MAN1C1: variants seen among roughly 807,000 people sequenced by gnomAD.
The protein encoded by MAN1C1 is mannosyl-oligosaccharide 1,2-alpha-mannosidase IC.
A neutral mutation model predicts 71.5 loss-of-function variants in MAN1C1; 49 were observed. The observed-to-expected ratio is 0.69, with a 90% confidence interval of 0.54 to 0.87. MAN1C1 has a LOEUF of 0.87. Ranked by LOEUF, MAN1C1 falls within the 40% of genes least tolerant of loss-of-function variation. The pLI is 0.00. For missense variants in MAN1C1, 743 were observed against 835.0 expected (o/e 0.89, Z 1.36); for synonymous variants, 352 against 343.7 (o/e 1.02, Z -0.27).
intron 4 of MAN1C1, among the ~76,000 whole-genome samples, chr1:25,752,430 A>G (rs1572195425): frequency 6.6e-6 from 1 of 152,058 alleles, no homozygotes; most frequent in Non-Finnish European, 1.5e-5. Flanking sequence ...GCCTCCCAAA[A>G]TGCTGGGATT....
At chr1:25,731,243 A>G (rs1208440629) in intron 2 of MAN1C1, among the ~76,000 whole-genome samples, 1 of 152,192 alleles carries the variant, frequency 6.6e-6, no homozygotes, top group African/African-American at 2.4e-5. Flanking sequence ...CAGGGAAGTC[A>G]AGGCTGCAGT....
At chr1:25,655,579 G>A (rs1308622567) in intron 1 of MAN1C1, among the ~76,000 whole-genome samples, 1 of 152,154 alleles carries the variant, frequency 6.6e-6, no homozygotes, top group Non-Finnish European at 1.5e-5. Context: ...GGGGATAGTG[G>A]ATGACTGATG....
At chr1:25,655,322 T>C (rs1198178189) in intron 1 of MAN1C1, among the ~76,000 whole-genome samples, 1 of 152,190 alleles carries the variant, frequency 6.6e-6, no homozygotes, top group Non-Finnish European at 1.5e-5. Context: ...GGGAACCTGC[T>C]GTCCAACACT....
intron 1 of MAN1C1, among the ~76,000 whole-genome samples, chr1:25,659,951 T>C (rs1453226506): frequency 6.6e-6 from 1 of 152,204 alleles, no homozygotes. Context: ...CCATGTTCAG[T>C]GACATCATGT....
intron 9 of MAN1C1, 150 bp from the exon 10 acceptor site, chr1:25,780,790 T>C (rs1430986568): frequency 4.0e-6 from 3 of 743,866 alleles, no homozygotes; most frequent in African/African-American, 1.7e-5. Context: ...GGTGCAGCCT[T>C]ACACAGCAGT....
intron 2 of MAN1C1, among the ~76,000 whole-genome samples, chr1:25,739,924 G>A (rs906376124): frequency 2.0e-5 from 3 of 152,154 alleles, no homozygotes; most frequent in Non-Finnish European, 4.4e-5. Flanking sequence ...ACTGGGAGTT[G>A]TGAATGCGCC....
chr1:25,774,164 G>T (rs1248155179), intron 8 of MAN1C1, among the ~76,000 whole-genome samples: 1 of 152,166 alleles, frequency 6.6e-6, no homozygotes, highest in Non-Finnish European at 1.5e-5. Context: ...CCACAATTCT[G>T]TTGTGCACCT....
chr1:25,745,157 T>G (rs1410768349), intron 2 of MAN1C1, among the ~76,000 whole-genome samples: 1 of 152,250 alleles, frequency 6.6e-6, no homozygotes, highest in Non-Finnish European at 1.5e-5. Flanking sequence ...CTCTTCTGTC[T>G]GGTTCATGGG....
intron 2 of MAN1C1, among the ~76,000 whole-genome samples, chr1:25,695,039 T>C (rs532295604): frequency 3.3e-5 from 5 of 152,310 alleles, no homozygotes; most frequent in South Asian, 4.1e-4. Context: ...ATTTGACTTA[T>C]CTGGCTGAAA....
At chr1:25,773,557 C>T (rs1026458770) in intron 8 of MAN1C1, among the ~76,000 whole-genome samples, 6 of 152,202 alleles carry the variant, frequency 3.9e-5, no homozygotes, top group Admixed American at 6.5e-5. Flanking sequence ...ACCAGAGCCC[C>T]GGTCAGAGAA....
Position 25,671,686 on chromosome 1 carries a change from C to T in MAN1C1, c.541-14754C>T, listed in dbSNP as rs191034893. On this transcript the variant is annotated intron_variant, in intron 1 of 11. Transcript: ENST00000374332. ...TCATTTGGTTATTCATTGGCATGTA[C>T]GAAGGCCGTGAGGTAGTGTATTAGT... Among the ~76,000 whole-genome samples, 287 of 152,240 alleles carry T rather than the reference C, an allele frequency of 1.9e-3. 1 individual carries two copies. The highest frequency in any genetic ancestry group is 3.3e-3 in the Non-Finnish European group (227 of 68,022).
intron 2 of MAN1C1, among the ~76,000 whole-genome samples, chr1:25,704,411 C>A (rs2046489497): frequency 6.6e-6 from 1 of 152,240 alleles, no homozygotes. Flanking sequence ...TAGACCCAAT[C>A]CCAGACAGCA....
Position 25,725,443 on chromosome 1 carries a change from A to G in MAN1C1, c.638-21225A>G, listed in dbSNP as rs892430093. On this transcript the variant is annotated intron_variant, in intron 2 of 11. Transcript: ENST00000374332. The surrounding 1 kb of genome is among the most constrained non-coding windows in gnomAD (Gnocchi z 4.8). ...GGAGCCACTGATTCTGCCTCTGGGA[A>G]CTTCACAGAGCAGGTTACGTTGAGC... Among the ~76,000 whole-genome samples, 11 of 152,218 alleles carry G rather than the reference A, an allele frequency of 7.2e-5. No individual in the cohort carries two copies. Among genetic ancestry groups the G allele is most frequent in the African/African-American group, 1.4e-4 (6 of 41,444 alleles).
In MAN1C1 at chr1:25,753,068, C is replaced by T. The variant is rs915196771; in HGVS notation, c.835-416C>T. Among the ~76,000 whole-genome samples, 2 of 152,282 alleles carry T rather than the reference C, an allele frequency of 1.3e-5. No individual in the cohort carries two copies. Among genetic ancestry groups the T allele is most frequent in the African/African-American group, 2.4e-5 (1 of 41,548 alleles). On this transcript the variant is annotated intron_variant, in intron 4 of 11. Transcript: ENST00000374332. The surrounding 1 kb of genome is among the most constrained non-coding windows in gnomAD (Gnocchi z 4.9). The stretch of plus-strand genomic sequence containing the variant: ...AGGCATTGACCTTTGGAGACCGGCC[C>T]GTCTCTGCCAGGTCTTCATCTGGAC...
intron 2 of MAN1C1, among the ~76,000 whole-genome samples, chr1:25,742,020 A>G (rs767950376): frequency 1.3e-4 from 20 of 152,288 alleles, no homozygotes; most frequent in Middle Eastern, 6.8e-3. Context: ...GCAAAGCCCC[A>G]CAGTGCAGGG....
chr1:25,715,490 C>G (rs1330175715), intron 2 of MAN1C1, among the ~76,000 whole-genome samples: 1 of 152,360 alleles, frequency 6.6e-6, no homozygotes, highest in Non-Finnish European at 1.5e-5. Flanking sequence ...CAACGAATAC[C>G]TAAGCACTCA....
In MAN1C1 at chr1:25,671,836, A is replaced by C. The variant is rs992561004; in HGVS notation, c.541-14604A>C. Reference sequence around the variant, plus strand: ...CTGGGCTAAAATGCAGGTGTTGGCCAGGCCATGCTGCATTCCTTTCTGGAG... The same window carrying C: ...CTGGGCTAAAATGCAGGTGTTGGCCCGGCCATGCTGCATTCCTTTCTGGAG... On this transcript the variant is annotated intron_variant, in intron 1 of 11. Transcript: ENST00000374332. Among the ~76,000 whole-genome samples the C allele has an allele frequency of 2.0e-5, 3 of 152,246 alleles. No homozygotes were observed. The East Asian group carries it at 5.8e-4, about 29-fold the overall frequency.
In MAN1C1 at chr1:25,746,071, G is replaced by A. The variant is rs901394721; in HGVS notation, c.638-597G>A. ...CTGTAATCCAGCACTTTGGGAGGCC[G>A]AAGTGGGTGGATCACTTGAGGCCAG... On this transcript the variant is annotated intron_variant, in intron 2 of 11. Coordinates refer to ENST00000374332, the MANE Select transcript of MAN1C1 (RefSeq NM_020379.4). The surrounding 1 kb of genome is among the most constrained non-coding windows in gnomAD (Gnocchi z 4.0). Among the ~76,000 whole-genome samples the A allele has an allele frequency of 5.9e-5, 9 of 151,374 alleles. No homozygotes were observed. The highest frequency in any genetic ancestry group is 1.9e-4 in the African/African-American group (8 of 41,150).
intron 4 of MAN1C1, among the ~76,000 whole-genome samples, chr1:25,749,793 G>A (rs1319928815): frequency 6.6e-6 from 1 of 152,188 alleles, no homozygotes; most frequent in African/African-American, 2.4e-5. Context: ...TTGGTTCTTA[G>A]GACTGATAAA....
Sources: allele counts gnomAD v4.1 joint callset (sites outside exome capture counted in the v4.1 genomes callset), GRCh38; gene constraint gnomAD v4.1.1; non-coding constraint Gnocchi (gnomAD v3.1); transcripts MANE v1.5; gene names NCBI Gene and HGNC (gene_info 2026-07-23, HGNC 2026-07-21).